Variants in NBAS observed in about 807,000 individuals in gnomAD.
NBAS encodes the protein NBAS subunit of NRZ tethering complex.
A neutral mutation model predicts 302.5 loss-of-function variants in NBAS; 219 were observed. The observed-to-expected ratio is 0.72, with a 90% CI of 0.65 to 0.81. The LOEUF is 0.81. Ranked by LOEUF, NBAS falls within the 30% of genes least tolerant of loss-of-function variation. The pLI is 0.00. For synonymous variants in NBAS, 1,118 were observed against 1,021.6 expected, an observed-to-expected ratio of 1.09 and a Z score of -1.80; for missense variants, 2,932 against 2,841.6, an observed-to-expected ratio of 1.03 and a Z score of -0.72.
At chr2:14,848,053 G>A in the NBAS span, among the ~76,000 whole-genome samples, 4 of 152,158 alleles carry the variant, frequency 2.6e-5, no homozygotes, top group African/African-American at 9.7e-5. Context: ...AAGAAATTAA[G>A]AAGAAAATTG....
chr2:15,184,204 A>G (rs981191372), intron 50 of NBAS, among the ~76,000 whole-genome samples: 2 of 152,146 alleles, frequency 1.3e-5, no homozygotes, highest in Non-Finnish European at 2.9e-5. Context: ...AAGATAGTAC[A>G]TATCAAGTGG....
chr2:15,112,986 T>C, the NBAS span, among the ~76,000 whole-genome samples: 3 of 152,124 alleles, frequency 2.0e-5, no homozygotes, highest in African/African-American at 7.2e-5. Context: ...ACGTAGCAAA[T>C]TGTGGTGTTT....
chr2:14,945,342 G>A, the NBAS span, among the ~76,000 whole-genome samples: 2 of 152,074 alleles, frequency 1.3e-5, no homozygotes, highest in East Asian at 3.9e-4. Flanking sequence ...TGTAGAGAGG[G>A]CTGGAATAAA....
chr2:15,319,604 G>A (rs2148195911), intron 38 of NBAS, among the ~76,000 whole-genome samples: 1 of 152,222 alleles, frequency 6.6e-6, no homozygotes, highest in East Asian at 1.9e-4. Flanking sequence ...AACCACCAGA[G>A]AATACTATAA....
chr2:15,445,261 T>C (rs1678667424), intron 21 of NBAS, among the ~76,000 whole-genome samples: 1 of 146,004 alleles, frequency 6.8e-6, no homozygotes, highest in South Asian at 2.3e-4. Context: ...AACCCAAATG[T>C]CCAACAATGA....
Position 15,275,798 on chromosome 2 carries a change from T to C in NBAS, c.5410A>G (p.Thr1804Ala), listed in dbSNP as rs1669550791. 2 of 1,613,630 alleles carry C rather than the reference T, an allele frequency of 1.2e-6. No individual in the cohort carries two copies. The highest frequency in any genetic ancestry group is 1.7e-5 in the Admixed American group (1 of 59,990). ...TCAAGAGGACTCATGTTTTCATCTG[T>C]CAGCTTTTTGTAATTAAGACCTAGC... ...VASGLNYKKL[T>A]DENMSPLEAL... The change falls in exon 44 of 52, where the codon ACA becomes GCA. Residue 1804 changes from threonine to alanine, a missense_variant. Transcript: ENST00000281513.
intron 44 of NBAS, among the ~76,000 whole-genome samples, chr2:15,251,123 C>A (rs185953381): frequency 1.3e-5 from 2 of 152,246 alleles, no homozygotes; most frequent in Admixed American, 6.5e-5. Context: ...GAATACTATG[C>A]AGCCATAAAA....
At chr2:14,878,113 G>C in the NBAS span, among the ~76,000 whole-genome samples, 1 of 152,156 alleles carries the variant, frequency 6.6e-6, no homozygotes. Flanking sequence ...CTCCCATTTA[G>C]TGCTAGCTTG....
the NBAS span, among the ~76,000 whole-genome samples, chr2:14,795,621 ATCAAAAAGACATTTGC>A: frequency 6.6e-6 from 1 of 152,238 alleles, no homozygotes; most frequent in African/African-American, 2.4e-5. Flanking sequence ...TTGGTGTTAT[ATCAAAAAGACATTTGC>A]CTAACCCAAA....
At chr2:15,030,225 G>T in the NBAS span, among the ~76,000 whole-genome samples, 1 of 152,162 alleles carries the variant, frequency 6.6e-6, no homozygotes, top group African/African-American at 2.4e-5. Context: ...ACACAGGAGG[G>T]CCTAGCAATG....
chr2:15,445,699 AT>A (rs973817873), intron 21 of NBAS, among the ~76,000 whole-genome samples: 7 of 151,984 alleles, frequency 4.6e-5, no homozygotes, highest in African/African-American at 1.2e-4. Flanking sequence ...AAAAAAAAAA[AT>A]CTACATCCAA....
rs1223450406 is a variant in NBAS, at chr2:15,223,811, G to C, written c.6237-4843C>G. ...ACCACTGCACTTCAGCCTGGTGACA[G>C]AGCAAGACTCCATCTCAAATAAAAA... On this transcript the variant is annotated intron_variant, in intron 47 of 51. Transcript: ENST00000281513. Among the ~76,000 whole-genome samples the C allele has an allele frequency of 2.7e-5, 4 of 149,034 alleles. No homozygotes were observed. In the East Asian group the frequency reaches 7.9e-4, roughly 29 times the overall value.
At chr2:15,278,089 T>C (rs1669667702) in intron 42 of NBAS, among the ~76,000 whole-genome samples, 1 of 152,186 alleles carries the variant, frequency 6.6e-6, no homozygotes, top group Admixed American at 6.5e-5. Flanking sequence ...GCAGCTCCTC[T>C]GAAACATGAC....
At chr2:14,991,632 G>A in the NBAS span, among the ~76,000 whole-genome samples, 3 of 152,170 alleles carry the variant, frequency 2.0e-5, no homozygotes, top group Admixed American at 6.5e-5. Flanking sequence ...TGTGGTCCAC[G>A]CAGGGAGCCT....
At chr2:15,290,792 T>C (rs1031542569) in intron 41 of NBAS, among the ~76,000 whole-genome samples, 1 of 152,208 alleles carries the variant, frequency 6.6e-6, no homozygotes, top group Non-Finnish European at 1.5e-5. Flanking sequence ...AGAAAAACAA[T>C]TCCATATTTC....
the NBAS span, among the ~76,000 whole-genome samples, chr2:14,786,023 T>G: frequency 6.6e-6 from 1 of 152,208 alleles, no homozygotes; most frequent in Admixed American, 6.5e-5. Context: ...TATTCAGAGA[T>G]TCAACTTCTT....
the NBAS span, among the ~76,000 whole-genome samples, chr2:14,820,743 T>A: frequency 6.6e-6 from 1 of 152,010 alleles, no homozygotes; most frequent in Non-Finnish European, 1.5e-5. Flanking sequence ...GATACAACAG[T>A]GTCAGTCACT....
intron 38 of NBAS, among the ~76,000 whole-genome samples, chr2:15,315,731 T>C (rs748955927): frequency 6.6e-6 from 1 of 152,218 alleles, no homozygotes; most frequent in Non-Finnish European, 1.5e-5. Flanking sequence ...ACAATTGTTG[T>C]TGAAGTTATC....
the NBAS span, among the ~76,000 whole-genome samples, chr2:15,111,148 C>A: frequency 1.3e-5 from 2 of 151,954 alleles, no homozygotes; most frequent in African/African-American, 4.8e-5. Context: ...TCTTTTCTAC[C>A]ATAATGAGAG....
Sources: allele counts gnomAD v4.1 joint callset (sites outside exome capture counted in the v4.1 genomes callset), GRCh38; gene constraint gnomAD v4.1.1; transcripts MANE v1.5; gene names NCBI Gene and HGNC (gene_info 2026-07-23, HGNC 2026-07-21).